NSMCE2: variants seen among roughly 807,000 people sequenced by gnomAD.
NSMCE2 encodes NSE2 SUMO ligase component of SMC5/6 complex.
NSMCE2 carries 24 observed loss-of-function variants against 23.8 expected under a neutral mutation model. That is an observed-to-expected ratio of 1.01 (90% confidence interval 0.73 to 1.42). NSMCE2 has a LOEUF of 1.42. Ranked by LOEUF, NSMCE2 falls within the 40% of genes most tolerant of loss-of-function variation. The pLI is 0.00. For missense variants in NSMCE2, 284 were observed against 296.5 expected (o/e 0.96, Z 0.31); for synonymous variants, 92 against 94.1 (o/e 0.98, Z 0.13).
intron 5 of NSMCE2, among the ~76,000 whole-genome samples, chr8:125,269,235 G>A (rs925371784): frequency 2.0e-5 from 3 of 151,946 alleles, no homozygotes; most frequent in African/African-American, 7.3e-5. Flanking sequence ...CTATATGCAC[G>A]TGCCACCACA....
At chr8:125,160,114 G>A (rs1821529679) in intron 4 of NSMCE2, among the ~76,000 whole-genome samples, 1 of 152,148 alleles carries the variant, frequency 6.6e-6, no homozygotes, top group African/African-American at 2.4e-5. Flanking sequence ...AGGAAATTCA[G>A]AGTAAGGGAA....
intron 7 of NSMCE2, among the ~76,000 whole-genome samples, chr8:125,364,206 A>T (rs984070329): frequency 1.3e-5 from 2 of 152,158 alleles, no homozygotes; most frequent in Admixed American, 1.3e-4. Flanking sequence ...GGCCTCCCAA[A>T]GTGCTGAAAT....
At chr8:125,124,891 T>G (rs1468241662) in intron 3 of NSMCE2, among the ~76,000 whole-genome samples, 1 of 150,990 alleles carries the variant, frequency 6.6e-6, no homozygotes, top group Non-Finnish European at 1.5e-5. Flanking sequence ...ACCTCCTGGG[T>G]TCAAGCAATT....
chr8:125,144,034 G>C (rs34903473), intron 3 of NSMCE2, among the ~76,000 whole-genome samples: 10,128 of 152,192 alleles, frequency 0.067, 438 homozygotes, highest in South Asian at 0.15. Flanking sequence ...GTGTGTGGAC[G>C]TGATAGGGAA....
At chr8:125,259,869 A>G (rs1826612334) in intron 5 of NSMCE2, among the ~76,000 whole-genome samples, 1 of 152,206 alleles carries the variant, frequency 6.6e-6, no homozygotes, top group Admixed American at 6.5e-5. Flanking sequence ...ATAAAAATAG[A>G]AATCAGATCT....
chr8:125,176,056 G>A (rs1822474386), intron 4 of NSMCE2, among the ~76,000 whole-genome samples: 2 of 152,174 alleles, frequency 1.3e-5, no homozygotes, highest in African/African-American at 4.8e-5. Flanking sequence ...AGTCACAGGG[G>A]TGTTGGGTTC....
At chr8:125,163,361 CCG>C (rs2130734908) in intron 4 of NSMCE2, among the ~76,000 whole-genome samples, 1 of 152,208 alleles carries the variant, frequency 6.6e-6, no homozygotes, top group East Asian at 1.9e-4. Context: ...TCTGAATAAG[CCG>C]TAATCATCTT....
intron 3 of NSMCE2, among the ~76,000 whole-genome samples, chr8:125,107,895 A>G (rs1369928122): frequency 6.6e-6 from 1 of 151,876 alleles, no homozygotes; most frequent in Non-Finnish European, 1.5e-5. Context: ...TTAGCCAGGC[A>G]TGGTGGTGCA....
At chr8:125,148,522 T>C (rs1338036016) in intron 3 of NSMCE2, among the ~76,000 whole-genome samples, 1 of 152,206 alleles carries the variant, frequency 6.6e-6, no homozygotes, top group African/African-American at 2.4e-5. Context: ...TTACAGACTT[T>C]CATTTCTTAT....
chr8:125,357,186 A>G (rs2131367621), intron 5 of NSMCE2, 33 bp from the exon 6 acceptor site: 3 of 1,349,632 alleles, frequency 2.2e-6, no homozygotes, highest in Non-Finnish European at 3.2e-6. Context: ...ACGTTAGACC[A>G]GAGAGGCTTA....
chr8:125,192,231 A>C (rs568177635), intron 5 of NSMCE2, among the ~76,000 whole-genome samples: 2 of 152,236 alleles, frequency 1.3e-5, no homozygotes, highest in East Asian at 3.9e-4. Context: ...ATAATTCCTG[A>C]AGTTAGAATG....
intron 5 of NSMCE2, among the ~76,000 whole-genome samples, chr8:125,353,175 T>A (rs1336190735): frequency 1.3e-5 from 2 of 152,230 alleles, no homozygotes; most frequent in African/African-American, 4.8e-5. Context: ...ACTCTGTTAT[T>A]CATCCAGCAG....
intron 7 of NSMCE2, among the ~76,000 whole-genome samples, chr8:125,362,023 C>T (rs1813579439): frequency 6.6e-6 from 1 of 152,230 alleles, no homozygotes; most frequent in South Asian, 2.1e-4. Flanking sequence ...TCCCTTTGCT[C>T]AGCAGTCACC....
intron 4 of NSMCE2, among the ~76,000 whole-genome samples, chr8:125,167,720 T>TG (rs551285529): frequency 9.0e-4 from 136 of 151,478 alleles, no homozygotes; most frequent in African/African-American, 3.3e-3. Flanking sequence ...AGGCTAGACT[T>TG]GGGGGGAAAA....
chr8:125,179,201 A>G (rs990116789), intron 4 of NSMCE2, among the ~76,000 whole-genome samples: 1 of 152,144 alleles, frequency 6.6e-6, no homozygotes, highest in African/African-American at 2.4e-5. Flanking sequence ...AAAAGGATGG[A>G]CCTAATAATC....
rs556010740 is a variant in NSMCE2, at chr8:125,102,399, T to C, written c.69T>C (p.Ala23=). The C allele has an allele frequency of 7.2e-5, 116 of 1,613,220 alleles. No individual in the cohort carries two copies. The South Asian group carries it at 1.1e-3, about 15-fold the overall frequency. The change falls in exon 3 of 8, where the codon GCT becomes GCC. Residue 23 remains alanine, a synonymous_variant. Transcript: ENST00000287437. ...TCTCCTTCAGTGGTGTAGAGTCTGCTCTCTCCTCCTTGAAAAACTTCCAAG... is the reference window on the plus strand; with the variant it reads ...TCTCCTTCAGTGGTGTAGAGTCTGCCCTCTCCTCCTTGAAAAACTTCCAAG... ...GFISFSGVES[A]LSSLKNFQAC...
intron 5 of NSMCE2, among the ~76,000 whole-genome samples, chr8:125,323,477 G>A (rs931645770): frequency 6.6e-6 from 1 of 152,194 alleles, no homozygotes; most frequent in African/African-American, 2.4e-5. Flanking sequence ...ATGGAATAGA[G>A]TCCAGAAATA....
At chr8:125,206,510 A>G (rs920531284) in intron 5 of NSMCE2, among the ~76,000 whole-genome samples, 1 of 152,208 alleles carries the variant, frequency 6.6e-6, no homozygotes, top group Non-Finnish European at 1.5e-5. Context: ...CTAATTGGAA[A>G]GGAGAGAATG....
chr8:125,202,297 C>T (rs961161137), intron 5 of NSMCE2, among the ~76,000 whole-genome samples: 2 of 152,220 alleles, frequency 1.3e-5, no homozygotes, highest in South Asian at 2.1e-4. Context: ...TCTTCTGCGT[C>T]GATCACGCTG....
Sources: allele counts gnomAD v4.1 joint callset (sites outside exome capture counted in the v4.1 genomes callset), GRCh38; gene constraint gnomAD v4.1.1; transcripts MANE v1.5; gene names NCBI Gene and HGNC (gene_info 2026-07-23, HGNC 2026-07-21).